Variants in NCAN observed in about 807,000 individuals in gnomAD.
NCAN encodes the protein neurocan.
A neutral mutation model predicts 121.8 loss-of-function variants in NCAN; 47 were observed. That is an observed-to-expected ratio of 0.39 (90% CI 0.31 to 0.49). NCAN has a LOEUF of 0.49. Among genes scored for constraint, NCAN ranks in the 20% least tolerant of loss-of-function variants. NCAN has a pLI of 0.92. For synonymous variants in NCAN, 633 were observed against 702.0 expected (o/e 0.90, Z 1.55); for missense variants, 1,517 against 1,773.4 (o/e 0.86, Z 2.60).
chr19:19,227,487 C>A lies in NCAN; in HGVS notation c.1867C>A (p.Pro623Thr). The change falls in exon 8 of 15, where the codon CCT (proline) becomes ACT (threonine). Residue 623 changes from proline (P) to threonine (T), a missense_variant. Pro to Thr is a conservative substitution (Grantham distance 38). Transcript: ENST00000252575. This position sits in a 1 kb window ranked among gnomAD's most constrained non-coding sequence, Gnocchi z 4.2. ...APSPAPWEAF[P>T]VATSPDLPMM... Reference sequence around the variant, plus strand: ...CAGCCCTGCCCCCTGGGAGGCATTCCCTGTGGCCACCTCCCCAGATCTCCC... The same window carrying A: ...CAGCCCTGCCCCCTGGGAGGCATTCACTGTGGCCACCTCCCCAGATCTCCC... 1 of 1,613,554 alleles carries A rather than the reference C, an allele frequency of 6.2e-7. No homozygotes were observed.
chr19:19,242,560 A>C (rs1368351027), intron 12 of NCAN, among the ~76,000 whole-genome samples: 1 of 151,216 alleles, frequency 6.6e-6, no homozygotes, highest in Non-Finnish European at 1.5e-5. Context: ...GTGATGGCAC[A>C]TGCCTGTAGT....
At chr19:19,224,788 G>T (rs1240293882) in intron 5 of NCAN, among the ~76,000 whole-genome samples, 189 bp from the exon 6 acceptor site, 1 of 152,168 alleles carries the variant, frequency 6.6e-6, no homozygotes, top group Non-Finnish European at 1.5e-5. Context: ...TGTAAAAAGA[G>T]GCTTAGCTCT....
At position 19,225,362 on chromosome 19, in the gene NCAN, C is replaced by G; in HGVS notation, c.1072+92C>G. On this transcript the variant is annotated intron_variant, in intron 6 of 14. Transcript: ENST00000252575. This position sits in a 1 kb window ranked among gnomAD's most constrained non-coding sequence, Gnocchi z 4.0. ...GCCTCGCCAAGCCAAGGGAGAGACA[C>G]ATGGAAGCTCGCTTTGTGATAAGCC... The G allele has an allele frequency of 7.3e-7, 1 of 1,371,388 alleles. No individual in the cohort carries two copies. Among genetic ancestry groups the G allele is most frequent in the Admixed American group, 3.3e-5 (1 of 30,526 alleles). 85.0% of individuals were successfully genotyped at this position (1,371,388 alleles called of 1,614,324 possible).
At chr19:19,246,183 G>A (rs10416080) in intron 13 of NCAN, among the ~76,000 whole-genome samples, 20,082 of 150,450 alleles carry the variant, frequency 0.13, 1,613 homozygotes, top group South Asian at 0.27. Context: ...GATTACAGGC[G>A]TATGCCACCA....
rs962276599 is a variant in NCAN at position 19,211,963 on chromosome 19, G to T, written c.-109G>T. On this transcript the variant is annotated 5_prime_UTR_variant, in exon 1 of 15. Transcript: ENST00000252575. ...GAGGCGGCGCTGGGGCCAGCGGAGCGCAGGGCGCAGGGGCTGGACCCGGCG... is the reference window on the plus strand; with the variant it reads ...GAGGCGGCGCTGGGGCCAGCGGAGCTCAGGGCGCAGGGGCTGGACCCGGCG... 6.2e-5 allele frequency: 11 copies of T among 177,598 alleles called. No individual in the cohort carries two copies. Among genetic ancestry groups the T allele is most frequent in the Non-Finnish European group, 1.4e-4 (11 of 80,180 alleles). 11.0% of individuals were successfully genotyped at this position (177,598 alleles called of 1,614,324 possible).
chr19:19,213,885 TAATA>T (rs1222519612), intron 1 of NCAN, among the ~76,000 whole-genome samples: 2 of 152,104 alleles, frequency 1.3e-5, no homozygotes, highest in Non-Finnish European at 2.9e-5. Context: ...CCATGCACAC[TAATA>T]CACCCTGACT....
At chr19:19,242,930 T>C (rs979309691) in intron 12 of NCAN, among the ~76,000 whole-genome samples, 6 of 151,692 alleles carry the variant, frequency 4.0e-5, no homozygotes, top group African/African-American at 1.5e-4. Context: ...AGTTGTGGAG[T>C]TTGAGACCAG....
intron 10 of NCAN, among the ~76,000 whole-genome samples, chr19:19,236,209 A>G (rs979551097): frequency 6.6e-5 from 10 of 151,866 alleles, no homozygotes; most frequent in Admixed American, 1.3e-4. Flanking sequence ...GCAACCACTA[A>G]TCTGCTTTCT....
chr19:19,232,263 C>T (rs2060862871), intron 8 of NCAN, among the ~76,000 whole-genome samples: 1 of 152,162 alleles, frequency 6.6e-6, no homozygotes, highest in Admixed American at 6.5e-5. Flanking sequence ...GCTGGGGAGA[C>T]CCAGGCAGCT....
Position 19,233,143 on chromosome 19 carries a change from A to G in NCAN, c.3020-646A>G, listed in dbSNP as rs146365111. Reference sequence around the variant, plus strand: ...GAGATGGGGTTTCACCATGTTGGCCAGGCTGGTCTCGAACTCCTGACCTCA... The same window carrying G: ...GAGATGGGGTTTCACCATGTTGGCCGGGCTGGTCTCGAACTCCTGACCTCA... On this transcript the variant is annotated intron_variant, in intron 8 of 14. Transcript: ENST00000252575. Among the ~76,000 whole-genome samples the G allele has an allele frequency of 3.1e-3, 465 of 152,306 alleles. 6 individuals carry two copies. The East Asian group carries it at 0.047, about 15-fold the overall frequency.
Position 19,249,969 on chromosome 19 carries a change from T to C in NCAN, c.*58T>C. The C allele has an allele frequency of 6.5e-7, 1 of 1,538,684 alleles. No homozygotes were observed. Among genetic ancestry groups the C allele is most frequent in the Non-Finnish European group, 8.8e-7 (1 of 1,130,606 alleles). ...CCATGCCTCCTCTGGAGCCTTCGCCTGGGGAGACAGAACCCAGAGAGAAAC... is the reference window on the plus strand; with the variant it reads ...CCATGCCTCCTCTGGAGCCTTCGCCCGGGGAGACAGAACCCAGAGAGAAAC... On this transcript the variant is annotated 3_prime_UTR_variant, in exon 15 of 15. Transcript: ENST00000252575.
At position 19,219,016 on chromosome 19, in the gene NCAN, T is replaced by C. The variant is rs1190504050; in HGVS notation, c.175T>C (p.Cys59Arg). ...GCTGGCGGAGCTGGTGGCCCTGCCC[T>C]GTCTCTTTACCCTGCAGCCACGGCC... is the stretch of plus-strand genomic sequence containing the variant. ...AALAELVALP[C>R]LFTLQPRPSA... The change falls in exon 3 of 15, where the codon TGT (cysteine) becomes CGT (arginine). Residue 59 changes from cysteine (C) to arginine (R), a missense_variant. Transcript: ENST00000252575. The C allele has an allele frequency of 6.2e-7, 1 of 1,609,034 alleles. No homozygotes were observed. The highest frequency in any genetic ancestry group is 1.7e-5 in the Admixed American group (1 of 59,656).
chr19:19,237,500 AAT>A (rs1491039554), intron 10 of NCAN, among the ~76,000 whole-genome samples: 2 of 151,360 alleles, frequency 1.3e-5, no homozygotes, highest in Admixed American at 6.6e-5. Context: ...AAAAAAAAAA[AAT>A]TTTATATATA....
At chr19:19,233,430 G>A (rs1421291303) in intron 8 of NCAN, among the ~76,000 whole-genome samples, 1 of 152,012 alleles carries the variant, frequency 6.6e-6, no homozygotes, top group Non-Finnish European at 1.5e-5. Context: ...TGTGCCCAAA[G>A]GAGGGGAAGG....
At position 19,242,168 on chromosome 19, in the gene NCAN, C is replaced by T. The variant is rs536305917; in HGVS notation, c.3492+1483C>T. Among the ~76,000 whole-genome samples, 6 of 152,160 alleles carry T rather than the reference C, an allele frequency of 3.9e-5. No homozygotes were observed. The South Asian group carries it at 1.0e-3, about 26-fold the overall frequency. On this transcript the variant is annotated intron_variant, in intron 12 of 14. Coordinates refer to ENST00000252575, the MANE Select transcript of NCAN (RefSeq NM_004386.3). Reference sequence around the variant, plus strand: ...CAAGATCACACCATTTCACTCCAGCCTGGGCAACAGAGCAGGACTCCATCT... The same window carrying T: ...CAAGATCACACCATTTCACTCCAGCTTGGGCAACAGAGCAGGACTCCATCT...
chr19:19,215,723 G>A (rs934130338), intron 1 of NCAN, among the ~76,000 whole-genome samples: 40 of 152,160 alleles, frequency 2.6e-4, no homozygotes, highest in Admixed American at 1.6e-3. Flanking sequence ...GCTGCGAATC[G>A]TGTCAGCCAG....
chr19:19,215,488 T>C (rs1175700884), intron 1 of NCAN, among the ~76,000 whole-genome samples: 1 of 152,162 alleles, frequency 6.6e-6, no homozygotes, highest in Non-Finnish European at 1.5e-5. Flanking sequence ...AGGCGCTTAA[T>C]AATTGTCCAC....
chr19:19,249,861 A>G lies in NCAN; in HGVS notation c.3916A>G (p.Lys1306Glu). 6.2e-7 allele frequency: 1 copy of G among 1,614,130 alleles called. No homozygotes were observed. The highest frequency in any genetic ancestry group is 8.5e-7 in the Non-Finnish European group (1 of 1,180,026). Reference protein sequence around the residue: ...HKSRKERRKHKKHPTEDWEKD... With the variant: ...HKSRKERRKHEKHPTEDWEKD... ...ATCCCGCAAGGAGCGCAGAAAACAC[A>G]AGAAACACCCAACGGAGGACTGGGA... is the stretch of plus-strand genomic sequence containing the variant. Residue 1306 changes from lysine to glutamate, a missense_variant, in exon 15 of 15, where the codon AAG becomes GAG. Lys to Glu is a moderately conservative substitution (Grantham distance 56). Coordinates refer to ENST00000252575, the MANE Select transcript of NCAN (RefSeq NM_004386.3).
intron 10 of NCAN, 130 bp from the exon 11 acceptor site, chr19:19,238,122 TG>T (rs1029525743): frequency 5.2e-6 from 6 of 1,144,592 alleles, no homozygotes; most frequent in Non-Finnish European, 6.4e-6. Flanking sequence ...GGGCCAGGCA[TG>T]GGGAGAGGGG....
Sources: gnomAD v4.1 joint callset for allele counts (sites outside exome capture counted in the v4.1 genomes callset) on GRCh38, gnomAD v4.1.1 for gene constraint, Gnocchi (gnomAD v3.1) non-coding constraint, MANE v1.5 for transcripts, NCBI Gene and HGNC (gene_info 2026-07-23, HGNC 2026-07-21) for gene names.